Variants in ZNF148 observed in about 807,000 individuals in gnomAD.
ZNF148 encodes Beta-Enolase Repressor Factor-1.
In ZNF148, 7 loss-of-function variants were observed where a neutral mutation model predicts 67.7. That is an observed-to-expected ratio of 0.10 (90% confidence interval 0.06 to 0.19). ZNF148 has a LOEUF of 0.19. Among genes scored for constraint, ZNF148 ranks in the 10% least tolerant of loss-of-function variants. The pLI is 1.00. For synonymous variants in ZNF148, 333 were observed against 330.7 expected, an observed-to-expected ratio of 1.01 and a Z score of -0.08; for missense variants, 583 against 947.1, an observed-to-expected ratio of 0.62 and a Z score of 5.05.
intron 1 of ZNF148, among the ~76,000 whole-genome samples, chr3:125,338,211 T>C (rs1325107231): frequency 4.6e-5 from 7 of 152,192 alleles, no homozygotes; most frequent in Non-Finnish European, 8.8e-5. Flanking sequence ...ATATTTAACA[T>C]TACTCTTAGC....
In ZNF148 at chr3:125,374,474, T is replaced by G. The variant is rs544614748; in HGVS notation, c.-234+628A>C. ...AGAAACGCTTCAGTTCTTTCCATAA[T>G]GAAATACCTAACGTATCTGCACAAT... On this transcript the variant is annotated intron_variant, in intron 1 of 8. Coordinates refer to ENST00000360647, the MANE Select transcript of ZNF148 (RefSeq NM_021964.3). 2.0e-5 allele frequency among the ~76,000 whole-genome samples: 3 copies of G among 152,176 alleles called. No individual in the cohort carries two copies. The South Asian group carries it at 6.2e-4, about 32-fold the overall frequency.
chr3:125,341,173 TG>T (rs551065245), intron 1 of ZNF148, among the ~76,000 whole-genome samples: 37 of 144,124 alleles, frequency 2.6e-4, no homozygotes, highest in African/African-American at 9.0e-4. Context: ...CTGCAACAAG[TG>T]AAAAAAAAAA....
At chr3:125,298,200 A>G (rs1939384591) in intron 4 of ZNF148, among the ~76,000 whole-genome samples, 2 of 152,196 alleles carry the variant, frequency 1.3e-5, no homozygotes, top group South Asian at 4.1e-4. Context: ...AAGGGATTCT[A>G]TATCTTGATC....
Position 125,240,215 on chromosome 3 carries a change from C to T in ZNF148, c.668-5886G>A, listed in dbSNP as rs79601185. Among the ~76,000 whole-genome samples the T allele has an allele frequency of 2.4e-4, 37 of 152,168 alleles. No homozygotes were observed. In the East Asian group the frequency reaches 6.0e-3, roughly 25 times the overall value. The stretch of plus-strand genomic sequence containing the variant: ...TAAAAAGAAATTAACTGGAGAAAGC[C>T]GAGTGCAGCGCCTCACGTCTGTCAT... On this transcript the variant is annotated intron_variant, in intron 7 of 8. Coordinates refer to ENST00000360647, the MANE Select transcript of ZNF148 (RefSeq NM_021964.3).
intron 3 of ZNF148, chr3:125,314,946 C>T (rs552696908): frequency 1.3e-5 from 2 of 152,598 alleles, no homozygotes; most frequent in African/African-American, 4.8e-5. Flanking sequence ...CCTGTGGTCC[C>T]AGCTACTTGG....
intron 1 of ZNF148, among the ~76,000 whole-genome samples, chr3:125,334,409 T>C (rs1579831545): frequency 1.3e-5 from 2 of 152,194 alleles, no homozygotes; most frequent in African/African-American, 2.4e-5. Flanking sequence ...TGTGATATAA[T>C]TGAAGCATAA....
At chr3:125,295,938 CAATT>C (rs1316327978) in intron 4 of ZNF148, among the ~76,000 whole-genome samples, 6 of 151,982 alleles carry the variant, frequency 3.9e-5, no homozygotes, top group African/African-American at 7.2e-5. Flanking sequence ...AATTATCATA[CAATT>C]AATAGGTGTG....
intron 1 of ZNF148, among the ~76,000 whole-genome samples, chr3:125,349,897 G>C (rs754568599): frequency 2.6e-5 from 4 of 152,036 alleles, no homozygotes; most frequent in Non-Finnish European, 4.4e-5. Context: ...CCCATTACTG[G>C]GTGTATATCC....
At chr3:125,305,937 C>T (rs1939855360) in intron 4 of ZNF148, among the ~76,000 whole-genome samples, 1 of 151,944 alleles carries the variant, frequency 6.6e-6, no homozygotes, top group Admixed American at 6.6e-5. Flanking sequence ...AGATCATATG[C>T]CAAGCACTGA....
chr3:125,329,185 T>G lies in ZNF148; in HGVS notation c.-153+1973A>C, dbSNP rs541144973. On this transcript the variant is annotated intron_variant, in intron 2 of 8. Coordinates refer to ENST00000360647, the MANE Select transcript of ZNF148 (RefSeq NM_021964.3). ...AGTGAAAAATGTTGAACATGACAAT[T>G]ATCAGAAGATATGGAAAAACACATA... Among the ~76,000 whole-genome samples, 56 of 149,844 alleles carry G rather than the reference T, an allele frequency of 3.7e-4. 1 individual carries two copies. In the South Asian group the frequency reaches 0.011, roughly 30 times the overall value.
intron 5 of ZNF148, among the ~76,000 whole-genome samples, chr3:125,281,155 T>C (rs888451146): frequency 1.3e-5 from 2 of 152,192 alleles, no homozygotes; most frequent in African/African-American, 4.8e-5. Flanking sequence ...TGGTCAACAA[T>C]GCTTCAAAGT....
chr3:125,262,430 G>C (rs1422932669), intron 7 of ZNF148, among the ~76,000 whole-genome samples: 1 of 152,248 alleles, frequency 6.6e-6, no homozygotes, highest in Non-Finnish European at 1.5e-5. Flanking sequence ...ATTTGTGTGA[G>C]AGTGGAGATT....
chr3:125,250,558 TA>T (rs1379972964), intron 7 of ZNF148, among the ~76,000 whole-genome samples: 1 of 152,058 alleles, frequency 6.6e-6, no homozygotes, highest in African/African-American at 2.4e-5. Flanking sequence ...TTTCTATAGT[TA>T]AAAAAAATGT....
intron 4 of ZNF148, among the ~76,000 whole-genome samples, chr3:125,292,037 G>GAGA (rs1939045114): frequency 6.6e-6 from 1 of 152,168 alleles, no homozygotes; most frequent in Admixed American, 6.5e-5. Context: ...TCCAGAAAAG[G>GAGA]AGAAATTTAA....
At chr3:125,320,875 T>C (rs1188843092) in intron 3 of ZNF148, among the ~76,000 whole-genome samples, 1 of 152,218 alleles carries the variant, frequency 6.6e-6, no homozygotes, top group Non-Finnish European at 1.5e-5. Flanking sequence ...TTCTAACCTA[T>C]GTTTCTAACC....
At chr3:125,239,005 C>A (rs1233418490) in intron 7 of ZNF148, among the ~76,000 whole-genome samples, 7 of 152,076 alleles carry the variant, frequency 4.6e-5, no homozygotes, top group African/African-American at 1.7e-4. Flanking sequence ...AAGCCAGATA[C>A]AAAAGGGCAA....
At chr3:125,336,677 C>CTTTTTTTTTTTTTTTTTTTTTT (rs71148176) in intron 1 of ZNF148, among the ~76,000 whole-genome samples, 1 of 95,336 alleles carries the variant, frequency 1.0e-5, no homozygotes, top group Admixed American at 1.3e-4. Flanking sequence ...CAGAAATCAC[C>CTTTTTTTTTTTTTTTTTTTTTT]TTTTTTTTTT....
chr3:125,233,231 A>T lies in ZNF148; in HGVS notation c.1495T>A (p.Ser499Thr). The change falls in exon 9 of 9, where the codon TCT (serine) becomes ACT (threonine). Residue 499 changes from serine (S) to threonine (T), a missense_variant. Physicochemically the swap from Ser to Thr is moderately conservative, Grantham distance 58. This residue lies in a region of ZNF148 where 172 missense variants were observed against 307.7 expected (regional missense o/e 0.56). Transcript: ENST00000360647. This position sits in a 1 kb window ranked among gnomAD's most constrained non-coding sequence, Gnocchi z 5.1. The part of the protein sequence containing the change: ...LNVGTIASQP[S>T]VTQAAVASVI... ...CTTGCCACAGCTGCTTGTGTTACAG[A>T]AGGCTGAGAAGCTATGGTACCCACA... 1 of 1,613,744 alleles carries T rather than the reference A, an allele frequency of 6.2e-7. No individual in the cohort carries two copies. Among genetic ancestry groups the T allele is most frequent in the Non-Finnish European group, 8.5e-7 (1 of 1,179,842 alleles).
chr3:125,288,758 C>CAGTTTTGT (rs1173270775), intron 4 of ZNF148, among the ~76,000 whole-genome samples: 1 of 152,080 alleles, frequency 6.6e-6, no homozygotes, highest in African/African-American at 2.4e-5. Context: ...TCATGCTCAA[C>CAGTTTTGT]AGTTTTGTCA....
Sources: gnomAD v4.1 joint callset for allele counts (sites outside exome capture counted in the v4.1 genomes callset) on GRCh38, gnomAD v4.1.1 for gene constraint, gnomAD v4.1.1 regional missense constraint, Gnocchi (gnomAD v3.1) non-coding constraint, MANE v1.5 for transcripts, NCBI Gene and HGNC (gene_info 2026-07-23, HGNC 2026-07-21) for gene names.